The following SOD2 variants were observed in gnomAD, a reference collection of about 807,000 sequenced individuals.
SOD2 encodes superoxide dismutase [Mn], mitochondrial.
SOD2 carries 11 observed loss-of-function variants against 27.0 expected under a neutral mutation model. The observed-to-expected ratio is 0.41, with a 90% CI of 0.26 to 0.67. The LOEUF (loss-of-function observed/expected upper bound fraction) is 0.67. Ranked by LOEUF, SOD2 falls within the 30% of genes least tolerant of loss-of-function variation. The pLI, the probability that SOD2 is intolerant of heterozygous loss-of-function variation, is 0.34. For synonymous variants in SOD2, 105 were observed against 103.0 expected (o/e 1.02, Z -0.12); for missense variants, 250 against 274.5 (o/e 0.91, Z 0.63).
intron 1 of SOD2, among the ~76,000 whole-genome samples, chr6:159,710,977 C>CAG (rs1298142882): frequency 3.1e-5 from 4 of 130,048 alleles, no homozygotes; most frequent in Admixed American, 7.5e-5. Flanking sequence ...ATAACCACCT[C>CAG]CATAACCACC....
chr6:159,736,546 C>T (rs974483227), intron 1 of SOD2: 2 of 347,608 alleles, frequency 5.8e-6, no homozygotes, highest in East Asian at 8.9e-5. Context: ...ATGGTCTACT[C>T]TTAATGTTCA....
At chr6:159,704,092 T>C (rs898612271) in intron 1 of SOD2, among the ~76,000 whole-genome samples, 1 of 152,240 alleles carries the variant, frequency 6.6e-6, no homozygotes, top group Admixed American at 6.5e-5. Context: ...AAGATCATCC[T>C]GGCCAACACG....
chr6:159,755,366 A>C (rs1562469035), intron 1 of SOD2: 1 of 1,614,256 alleles, frequency 6.2e-7, no homozygotes, highest in Non-Finnish European at 8.5e-7. Flanking sequence ...GTCCTCCAAC[A>C]GCTCAGAGGA....
chr6:159,695,743 A>C (rs1583025622), upstream of SOD2, among the ~76,000 whole-genome samples: 1 of 151,792 alleles, frequency 6.6e-6, no homozygotes, highest in Admixed American at 6.6e-5. Flanking sequence ...TGATCCTCCC[A>C]CCTCAGCCTT....
upstream of SOD2, among the ~76,000 whole-genome samples, chr6:159,696,093 A>G (rs749588237): frequency 1.1e-4 from 16 of 152,186 alleles, no homozygotes; most frequent in Non-Finnish European, 2.2e-4. Flanking sequence ...AACAGATCCA[A>G]CCACAGTTTC....
At chr6:159,756,584 ATTTCTT>A (rs992025668) in intron 1 of SOD2, among the ~76,000 whole-genome samples, 1 of 97,598 alleles carries the variant, frequency 1.0e-5, no homozygotes, top group Non-Finnish European at 2.2e-5. Context: ...ATAGTCATCT[ATTTCTT>A]AGGCTTTTTT....
intron 1 of SOD2, among the ~76,000 whole-genome samples, chr6:159,734,394 T>G (rs1230483811): frequency 6.7e-6 from 1 of 149,252 alleles, no homozygotes; most frequent in Admixed American, 6.7e-5. Context: ...AAAAAAAAAT[T>G]CAGTTTAACA....
chr6:159,724,142 G>A (rs981393776), intron 1 of SOD2, among the ~76,000 whole-genome samples: 2 of 148,656 alleles, frequency 1.3e-5, no homozygotes, highest in Admixed American at 6.7e-5. Context: ...ATGAATGAAC[G>A]TCTTAAAAAT....
chr6:159,726,926 T>C (rs1458184557), intron 1 of SOD2: 1 of 1,288,776 alleles, frequency 7.8e-7, no homozygotes, highest in East Asian at 5.6e-5. Context: ...CACCTGGTCC[T>C]CCGACACGCG....
intron 2 of SOD2, 80 bp from the exon 3 acceptor site, chr6:159,688,322 T>TA: frequency 1.2e-6 from 1 of 868,570 alleles, no homozygotes; most frequent in Non-Finnish European, 1.9e-6. Flanking sequence ...TTTTTCTTTG[T>TA]AAGCTATTAG....
At chr6:159,693,790 G>A (rs935880334), upstream of SOD2, among the ~76,000 whole-genome samples, 1 of 152,238 alleles carries the variant, frequency 6.6e-6, no homozygotes, top group Non-Finnish European at 1.5e-5. Context: ...GCTGAGGGTA[G>A]AGCCAGCGCC....
Position 159,692,851 on chromosome 6 carries a change from C to G in SOD2, c.36G>C (p.Gln12His). The change falls in exon 2 of 5, where the codon CAG becomes CAC. Residue 12 changes from glutamine to histidine, a missense_variant. By Grantham distance (24) the Gln-to-His change is conservative (BLOSUM62 0). Transcript: ENST00000538183. Reference sequence around the variant, plus strand: ...CCAGATACCCCAAAACCGGAGCCAGCTGCCTGCTGGTGCTGAAGACGAGAA... The same window carrying G: ...CCAGATACCCCAAAACCGGAGCCAGGTGCCTGCTGGTGCTGAAGACGAGAA... Reference protein sequence around the residue: ...LSRAVCGTSRQLAPVLGYLGS... With the variant: ...LSRAVCGTSRHLAPVLGYLGS... 1 of 1,608,726 alleles carries G rather than the reference C, an allele frequency of 6.2e-7. No homozygotes were observed. The highest frequency in any genetic ancestry group is 8.5e-7 in the Non-Finnish European group (1 of 1,178,128).
upstream of SOD2, among the ~76,000 whole-genome samples, chr6:159,730,378 A>G (rs1003440450): frequency 5.9e-5 from 9 of 152,298 alleles, no homozygotes; most frequent in Admixed American, 5.2e-4. Flanking sequence ...AGAACCTAGA[A>G]TATTCATTGC....
At chr6:159,726,967 G>A (rs1410386516) in intron 1 of SOD2, 3 of 1,284,080 alleles carry the variant, frequency 2.3e-6, no homozygotes, top group South Asian at 1.2e-5. Context: ...CACGAACACA[G>A]AGCGGCCAAT....
intron 1 of SOD2, among the ~76,000 whole-genome samples, chr6:159,724,788 G>T (rs1778107959): frequency 6.6e-6 from 1 of 151,668 alleles, no homozygotes; most frequent in Non-Finnish European, 1.5e-5. Flanking sequence ...GGAAGTCAAG[G>T]CTGTAGTGAG....
At chr6:159,761,357 T>G (rs1780119992) in exon 1 of SOD2, 1 of 315,420 alleles carries the variant, frequency 3.2e-6, no homozygotes, top group Non-Finnish European at 6.3e-6. Flanking sequence ...TGTTACATGC[T>G]CCTTTCACTG....
At chr6:159,698,614 GAA>G (rs144911458) in intron 1 of SOD2, among the ~76,000 whole-genome samples, 6 of 108,942 alleles carry the variant, frequency 5.5e-5, no homozygotes, top group East Asian at 5.4e-4. Context: ...AAAACATTTA[GAA>G]AAAAAAAAAA....
In SOD2 at chr6:159,689,371, T is replaced by TTA. The variant is rs1167333140; in HGVS notation, c.227-1131_227-1130dup. Among the ~76,000 whole-genome samples the TTA allele has an allele frequency of 3.3e-5, 5 of 152,248 alleles. No individual in the cohort carries two copies. The East Asian group carries it at 9.6e-4, about 29-fold the overall frequency. ...CTCCCTGCCACCCCTCCCAGACCCT[T>TTA]TACTCCTTCTCAATAGGCCCTGTAA... On this transcript the variant is annotated intron_variant, in intron 2 of 4. Coordinates refer to ENST00000538183, the MANE Select transcript of SOD2 (RefSeq NM_000636.4).
chr6:159,684,832 A>G (rs1258666127), intron 4 of SOD2, 22 bp downstream of exon 4: 1 of 1,587,512 alleles, frequency 6.3e-7, no homozygotes, highest in East Asian at 2.3e-5. Context: ...TCCCAAATGA[A>G]ATCACAATTT....
Sources: gnomAD v4.1 joint callset for allele counts (sites outside exome capture counted in the v4.1 genomes callset) on GRCh38, gnomAD v4.1.1 for gene constraint, MANE v1.5 for transcripts, NCBI Gene and HGNC (gene_info 2026-07-23, HGNC 2026-07-21) for gene names.